ULK4: variants seen among roughly 807,000 people sequenced by gnomAD.
ULK4 encodes unc-51 like kinase 4, also known as inactive serine/threonine-protein kinase ULK4.
A neutral mutation model predicts 160.6 loss-of-function variants in ULK4; 133 were observed. The observed-to-expected ratio is 0.83, with a 90% confidence interval of 0.72 to 0.96. ULK4 has a LOEUF of 0.96. Ranked by LOEUF, ULK4 falls within the 40% of genes least tolerant of loss-of-function variation. The pLI is 0.00. For synonymous variants in ULK4, 534 were observed against 539.8 expected (o/e 0.99, Z 0.15); for missense variants, 1,580 against 1,499.5 (o/e 1.05, Z -0.89).
At chr3:41,406,125 ATT>A (rs755098994) in intron 34 of ULK4, among the ~76,000 whole-genome samples, 23 of 152,098 alleles carry the variant, frequency 1.5e-4, no homozygotes, top group Non-Finnish European at 2.6e-4. Flanking sequence ...TCTTTAATCC[ATT>A]TTCAGCTAAT....
chr3:41,809,193 A>C (rs113683976), intron 19 of ULK4, among the ~76,000 whole-genome samples: 18,096 of 148,416 alleles, frequency 0.12, 1,238 homozygotes, highest in Middle Eastern at 0.26. Context: ...AAAAACAAAA[A>C]AAAACAAAAA....
chr3:41,262,519 G>T (rs941519035), intron 35 of ULK4, among the ~76,000 whole-genome samples: 3 of 152,056 alleles, frequency 2.0e-5, no homozygotes, highest in African/African-American at 7.2e-5. Flanking sequence ...TCCTCCTGGG[G>T]TCTGTATGTT....
intron 20 of ULK4, among the ~76,000 whole-genome samples, chr3:41,793,752 T>C (rs1031357576): frequency 1.3e-5 from 2 of 152,246 alleles, no homozygotes; most frequent in Non-Finnish European, 2.9e-5. Context: ...GTTCTCACTA[T>C]GGTCCCTATA....
rs1219950181 is a variant in ULK4, at chr3:41,647,789, GC to G, written c.3071+15817del. On this transcript the variant is annotated intron_variant, in intron 30 of 36. Transcript: ENST00000301831. The stretch of plus-strand genomic sequence containing the variant: ...CTGTCTTTTTGTTTGTCTGTGCCCT[GC>G]CCCCAGGGGTGGAGCCTACAGAGGC... Among the ~76,000 whole-genome samples, 4 of 152,322 alleles carry G rather than the reference GC, an allele frequency of 2.6e-5. No individual in the cohort carries two copies. In the East Asian group the frequency reaches 5.8e-4, roughly 22 times the overall value.
At chr3:41,578,280 G>GGCA (rs2125625135) in intron 31 of ULK4, among the ~76,000 whole-genome samples, 1 of 152,256 alleles carries the variant, frequency 6.6e-6, no homozygotes, top group East Asian at 1.9e-4. Flanking sequence ...AAGGCAACCT[G>GGCA]GGTCTTTGTC....
chr3:41,941,123 T>C (rs1330837507), intron 2 of ULK4, among the ~76,000 whole-genome samples: 2 of 150,984 alleles, frequency 1.3e-5, no homozygotes, highest in Non-Finnish European at 3.0e-5. Context: ...AGCCTTCATC[T>C]ACTGGGCTCA....
At chr3:41,292,854 G>A (rs2079598075) in intron 35 of ULK4, among the ~76,000 whole-genome samples, 1 of 152,210 alleles carries the variant, frequency 6.6e-6, no homozygotes, top group Non-Finnish European at 1.5e-5. Context: ...TGAGGCAGAA[G>A]AATTGCTTGA....
At chr3:41,715,327 G>A in intron 24 of ULK4, 34 bp from the exon 25 acceptor site, 1 of 1,612,294 alleles carries the variant, frequency 6.2e-7, no homozygotes. Context: ...ATTAAATTCT[G>A]GAAGCTATGT....
intron 35 of ULK4, chr3:41,260,216 A>T (rs2078914650): frequency 6.6e-6 from 1 of 152,140 alleles, no homozygotes. Flanking sequence ...TTGCCACCTG[A>T]TGCCAGGATG....
At chr3:41,683,945 G>A (rs775829917) in intron 27 of ULK4, among the ~76,000 whole-genome samples, 6 of 152,170 alleles carry the variant, frequency 3.9e-5, no homozygotes, top group Non-Finnish European at 8.8e-5. Flanking sequence ...TGTGAAGAGA[G>A]GACTGATAGC....
chr3:41,656,273 T>C (rs138611168), intron 30 of ULK4, among the ~76,000 whole-genome samples: 1,659 of 152,194 alleles, frequency 0.011, 30 homozygotes, highest in African/African-American at 0.037. Flanking sequence ...ACTAGGGGGT[T>C]CACAGAAATA....
At position 41,900,889 on chromosome 3, in the gene ULK4, T is replaced by C. The variant is rs187773025; in HGVS notation, c.1183-60A>G. The C allele has an allele frequency of 4.4e-3, 5,481 of 1,248,498 alleles. 23 individuals carry two copies. The highest frequency in any genetic ancestry group is 5.8e-3 in the Non-Finnish European group (4,983 of 859,884). 77.3% of individuals were successfully genotyped at this position (1,248,498 alleles called of 1,614,324 possible). On this transcript the variant is annotated intron_variant, in intron 12 of 36. Coordinates refer to ENST00000301831, the MANE Select transcript of ULK4 (RefSeq NM_017886.4). ...CGACTAATGTAGATCTTTAAAACAC[T>C]GAACCAGTAAGATGCTGAGGAAGAC...
chr3:41,551,450 G>A (rs1448576257), intron 32 of ULK4, among the ~76,000 whole-genome samples: 1 of 151,704 alleles, frequency 6.6e-6, no homozygotes, highest in Non-Finnish European at 1.5e-5. Flanking sequence ...CATTACTGCT[G>A]CTATAGAAAT....
At chr3:41,544,037 T>C (rs866389074) in intron 32 of ULK4, among the ~76,000 whole-genome samples, 6 of 152,178 alleles carry the variant, frequency 3.9e-5, no homozygotes, top group African/African-American at 7.2e-5. Context: ...CTTTCAGAAA[T>C]AGTTTGCCTT....
At chr3:41,602,442 A>G (rs1488593495) in intron 31 of ULK4, among the ~76,000 whole-genome samples, 1 of 151,972 alleles carries the variant, frequency 6.6e-6, no homozygotes, top group Non-Finnish European at 1.5e-5. Context: ...AAGAGAAAAG[A>G]GAAAGAGGAA....
intron 21 of ULK4, among the ~76,000 whole-genome samples, chr3:41,772,956 C>T (rs574090398): frequency 6.6e-6 from 1 of 152,204 alleles, no homozygotes; most frequent in African/African-American, 2.4e-5. Context: ...ATAAACAGAA[C>T]CAAAGACAAA....
At chr3:41,468,142 A>G (rs1410450913) in intron 32 of ULK4, among the ~76,000 whole-genome samples, 1 of 152,206 alleles carries the variant, frequency 6.6e-6, no homozygotes, top group Non-Finnish European at 1.5e-5. Context: ...CTTTTAAGAT[A>G]TGCTGAGTTT....
At chr3:41,633,186 A>G (rs185171621) in intron 30 of ULK4, among the ~76,000 whole-genome samples, 1 of 152,348 alleles carries the variant, frequency 6.6e-6, no homozygotes, top group East Asian at 1.9e-4. Flanking sequence ...ATTATCCTTC[A>G]GGTCAGGGCT....
At chr3:41,328,467 A>C (rs890747101) in intron 35 of ULK4, among the ~76,000 whole-genome samples, 10 of 152,268 alleles carry the variant, frequency 6.6e-5, no homozygotes, top group East Asian at 1.9e-4. Context: ...ATGAGAAAAG[A>C]AGCAGTTCAG....
Sources: gnomAD v4.1 joint callset for allele counts (sites outside exome capture counted in the v4.1 genomes callset) on GRCh38, gnomAD v4.1.1 for gene constraint, MANE v1.5 for transcripts, NCBI Gene and HGNC (gene_info 2026-07-23, HGNC 2026-07-21) for gene names.